The following GLIPR1L2 variants were observed in gnomAD, a reference collection of about 807,000 sequenced individuals.
The protein encoded by GLIPR1L2 is GLIPR1 like 2, also known as GLIPR1-like protein 2.
A neutral mutation model predicts 28.4 loss-of-function variants in GLIPR1L2; 21 were observed. The ratio of observed to expected loss-of-function variants is 0.74; its 90% CI spans 0.52 to 1.06. The LOEUF (loss-of-function observed/expected upper bound fraction) is 1.06, where lower values mean the gene tolerates loss of function less well. Ranked by LOEUF, GLIPR1L2 falls within the 50% of genes least tolerant of loss-of-function variation. The pLI is 0.00. For synonymous variants in GLIPR1L2, 145 were observed against 139.3 expected (o/e 1.04, Z -0.29); for missense variants, 476 against 416.9 (o/e 1.14, Z -1.23).
chr12:75,409,806 A>T (rs889094584), intron 1 of GLIPR1L2, among the ~76,000 whole-genome samples: 3 of 147,118 alleles, frequency 2.0e-5, no homozygotes, highest in Non-Finnish European at 4.5e-5. Context: ...TGTATATCTA[A>T]TCTGATATAT....
intron 4 of GLIPR1L2, among the ~76,000 whole-genome samples, chr12:75,428,543 G>T (rs1001900188): frequency 4.6e-5 from 7 of 151,986 alleles, no homozygotes; most frequent in African/African-American, 1.7e-4. Context: ...TTTTTCTGGG[G>T]AGAAATTCAA....
intron 3 of GLIPR1L2, among the ~76,000 whole-genome samples, chr12:75,416,247 G>A (rs960095269): frequency 2.6e-5 from 4 of 152,066 alleles, no homozygotes; most frequent in Non-Finnish European, 4.4e-5. Context: ...TTCTATTTGG[G>A]TATATTAGAT....
intron 1 of GLIPR1L2, among the ~76,000 whole-genome samples, chr12:75,397,591 A>G (rs2045694280): frequency 6.6e-6 from 1 of 152,126 alleles, no homozygotes; most frequent in Non-Finnish European, 1.5e-5. Context: ...TCAGTTTTAC[A>G]TTTATATTTT....
intron 4 of GLIPR1L2, among the ~76,000 whole-genome samples, chr12:75,426,330 A>C (rs1161730101): frequency 6.6e-6 from 1 of 152,230 alleles, no homozygotes; most frequent in African/African-American, 2.4e-5. Flanking sequence ...TTAGCAATAA[A>C]GTATTTAACA....
intron 3 of GLIPR1L2, among the ~76,000 whole-genome samples, chr12:75,418,224 T>A (rs2045942508): frequency 6.6e-6 from 1 of 152,148 alleles, no homozygotes; most frequent in Non-Finnish European, 1.5e-5. Flanking sequence ...TTAAAATCAC[T>A]GGTTAAAGTA....
intron 1 of GLIPR1L2, among the ~76,000 whole-genome samples, chr12:75,394,292 T>TGTTATTGTATGTATTTTTTGTC (rs2045660254): frequency 6.6e-6 from 1 of 152,072 alleles, no homozygotes; most frequent in Admixed American, 6.6e-5. Context: ...CATTTTTTGT[T>TGTTATTGTATGTATTTTTTGTC]GTTATTGTAT....
intron 3 of GLIPR1L2, among the ~76,000 whole-genome samples, chr12:75,419,034 A>T (rs1016294709): frequency 1.3e-5 from 2 of 152,164 alleles, no homozygotes; most frequent in African/African-American, 2.4e-5. Flanking sequence ...GAGGGGAGGG[A>T]TAGCATTAGG....
chr12:75,400,768 CA>C (rs2045732033), intron 1 of GLIPR1L2, among the ~76,000 whole-genome samples: 2 of 151,926 alleles, frequency 1.3e-5, no homozygotes, highest in South Asian at 4.1e-4. Flanking sequence ...ATATATACAG[CA>C]AAAAAATGTA....
chr12:75,412,640 A>G (rs1025129905), intron 2 of GLIPR1L2, among the ~76,000 whole-genome samples: 6 of 152,268 alleles, frequency 3.9e-5, no homozygotes, highest in East Asian at 3.9e-4. Flanking sequence ...CAAAACCACA[A>G]TGAGATACCA....
rs1027615287 is a variant in GLIPR1L2 at position 75,432,495 on chromosome 12, A to G, written c.*1334A>G. Reference sequence around the variant, plus strand: ...TGATAGAATATTGTGTTCTAAAGCTATATTTCTCAATGTGTGGTTCCACTG... The same window carrying G: ...TGATAGAATATTGTGTTCTAAAGCTGTATTTCTCAATGTGTGGTTCCACTG... On this transcript the variant is annotated 3_prime_UTR_variant, in exon 6 of 6. Coordinates refer to ENST00000550916, the MANE Select transcript of GLIPR1L2 (RefSeq NM_001270396.2). 6.6e-6 allele frequency: 1 copy of G among 151,448 alleles called. No homozygotes were observed. The highest frequency in any genetic ancestry group is 6.6e-5 in the Admixed American group (1 of 15,172). The allele number at this position is 151,448 out of a possible 1,614,324, so 9.4% of individuals were successfully genotyped here. A position where few individuals can be genotyped will look rare whatever the true frequency, so the allele number is the denominator to read the frequency against.
At position 75,410,579 on chromosome 12, in the gene GLIPR1L2, A is replaced by T. The variant is rs773400560; in HGVS notation, c.380A>T (p.Glu127Val). ...AATATGTGGGTCGGCCCTGAAAATG[A>T]ATTTACTGCAAGTATTGCTATCAGA... ...GENMWVGPEN[E>V]FTASIAIRSW... Residue 127 changes from glutamate to valine, a missense_variant, in exon 2 of 6, where the codon GAA becomes GTA. Transcript: ENST00000550916. The T allele has an allele frequency of 4.3e-6, 7 of 1,612,438 alleles. 1 individual carries two copies. In the South Asian group the frequency reaches 7.7e-5, roughly 18 times the overall value.
At chr12:75,416,131 G>A (rs1010432154) in intron 3 of GLIPR1L2, among the ~76,000 whole-genome samples, 3 of 151,986 alleles carry the variant, frequency 2.0e-5, no homozygotes, top group African/African-American at 7.3e-5. Context: ...TTGAGTTTAG[G>A]GATAAATTGA....
At chr12:75,406,700 T>C (rs879371864) in intron 1 of GLIPR1L2, among the ~76,000 whole-genome samples, 1 of 149,512 alleles carries the variant, frequency 6.7e-6, no homozygotes, top group Admixed American at 6.7e-5. Context: ...TGAGGCTACA[T>C]TGAGCCACAA....
At chr12:75,401,826 A>G (rs1207868403) in intron 1 of GLIPR1L2, among the ~76,000 whole-genome samples, 1 of 152,130 alleles carries the variant, frequency 6.6e-6, no homozygotes, top group East Asian at 1.9e-4. Context: ...AACACATGAC[A>G]TAAATAAAGG....
Position 75,413,598 on chromosome 12 carries a change from C to A in GLIPR1L2, c.481C>A (p.Leu161Ile). The A allele has an allele frequency of 6.6e-7, 1 of 1,526,112 alleles. No homozygotes were observed. Among genetic ancestry groups the A allele is most frequent in the Non-Finnish European group, 8.8e-7 (1 of 1,135,604 alleles). 94.5% of individuals were successfully genotyped at this position (1,526,112 alleles called of 1,614,324 possible). The stretch of plus-strand genomic sequence containing the variant: ...GTCTTTCTTGAAAATTTTATTTTAG[C>A]TTGTTTGGGACCACTCTTACAAAGT... ...CSGDCSNYIQ[L>I]VWDHSYKVGC... The change falls in exon 3 of 6, where the codon CTT becomes ATT. Residue 161 changes from leucine (L) to isoleucine (I), a missense_variant and splice_region_variant. By Grantham distance (5) the Leu-to-Ile change is conservative. Coordinates refer to ENST00000550916, the MANE Select transcript of GLIPR1L2 (RefSeq NM_001270396.2).
chr12:75,391,700 T>TG (rs2045604628), intron 1 of GLIPR1L2: 1 of 425,878 alleles, frequency 2.3e-6, no homozygotes, highest in Admixed American at 3.7e-5. Context: ...AAAGAAAATG[T>TG]TAAAAAATTT....
At chr12:75,414,387 A>G (rs1454768030) in intron 3 of GLIPR1L2, among the ~76,000 whole-genome samples, 1 of 152,080 alleles carries the variant, frequency 6.6e-6, no homozygotes, top group Non-Finnish European at 1.5e-5. Context: ...TTGAATTAAC[A>G]TCTTAAATAA....
intron 1 of GLIPR1L2, among the ~76,000 whole-genome samples, chr12:75,404,982 A>G (rs887365589): frequency 3.9e-5 from 6 of 152,202 alleles, no homozygotes; most frequent in African/African-American, 1.2e-4. Flanking sequence ...TTTTAATACT[A>G]TGAAGCAGAA....
intron 1 of GLIPR1L2, among the ~76,000 whole-genome samples, chr12:75,404,222 A>G (rs922783002): frequency 6.6e-6 from 1 of 152,132 alleles, no homozygotes. Flanking sequence ...GTGTGTATAC[A>G]TATGTGTGTT....
Sources: gnomAD v4.1 joint callset for allele counts (sites outside exome capture counted in the v4.1 genomes callset) on GRCh38, gnomAD v4.1.1 for gene constraint, MANE v1.5 for transcripts, NCBI Gene and HGNC (gene_info 2026-07-23, HGNC 2026-07-21) for gene names.